Variants in AFG2A observed in about 807,000 individuals in gnomAD.
AFG2A encodes the protein ATPase family gene 2 protein homolog A.
chr4:123,094,701 A>G, the AFG2A span, among the ~76,000 whole-genome samples: 2 of 152,038 alleles, frequency 1.3e-5, no homozygotes, highest in Non-Finnish European at 2.9e-5. Flanking sequence ...AAAGAAATAA[A>G]TCACAGAATT....
At chr4:123,065,445 C>T in the AFG2A span, among the ~76,000 whole-genome samples, 1 of 151,996 alleles carries the variant, frequency 6.6e-6, no homozygotes, top group African/African-American at 2.4e-5. Context: ...ATTTATAGCG[C>T]TTAACATAAT....
At chr4:123,183,927 C>CTTAT in the AFG2A span, among the ~76,000 whole-genome samples, 17 of 125,630 alleles carry the variant, frequency 1.4e-4, 1 homozygote, top group Admixed American at 4.9e-4. Flanking sequence ...GCCCAGCTTG[C>CTTAT]TTATTTATTC....
chr4:123,250,432 G>C, the AFG2A span, among the ~76,000 whole-genome samples: 1 of 151,412 alleles, frequency 6.6e-6, no homozygotes, highest in Admixed American at 6.6e-5. Context: ...TCCTAGAACT[G>C]GGGGCTGGAA....
the AFG2A span, among the ~76,000 whole-genome samples, chr4:123,116,460 GA>G: frequency 6.6e-6 from 1 of 152,194 alleles, no homozygotes; most frequent in African/African-American, 2.4e-5. Flanking sequence ...CTGGAGGAAT[GA>G]TACTGGCATC....
chr4:122,944,057 C>T, the AFG2A span, among the ~76,000 whole-genome samples: 1 of 152,176 alleles, frequency 6.6e-6, no homozygotes, highest in East Asian at 1.9e-4. Flanking sequence ...TTCTCTCTGG[C>T]TGCTCTTAAC....
At chr4:123,228,971 A>G in the AFG2A span, among the ~76,000 whole-genome samples, 1 of 152,024 alleles carries the variant, frequency 6.6e-6, no homozygotes, top group South Asian at 2.1e-4. Context: ...AATCATGAAC[A>G]ATACAAGTAT....
chr4:123,160,499 A>G, the AFG2A span, among the ~76,000 whole-genome samples: 1 of 152,150 alleles, frequency 6.6e-6, no homozygotes, highest in Admixed American at 6.5e-5. Flanking sequence ...ATAACCTGTC[A>G]TTCTGTAGTA....
At chr4:123,302,409 C>T in the AFG2A span, among the ~76,000 whole-genome samples, 1 of 152,170 alleles carries the variant, frequency 6.6e-6, no homozygotes. Context: ...CATAGGATGA[C>T]TTACTGTGCC....
chr4:123,112,899 G>T, the AFG2A span, among the ~76,000 whole-genome samples: 1 of 152,026 alleles, frequency 6.6e-6, no homozygotes, highest in African/African-American at 2.4e-5. Context: ...GATTTGGAGG[G>T]CAATTTGAAC....
the AFG2A span, among the ~76,000 whole-genome samples, chr4:123,059,041 C>A: frequency 1.5e-4 from 23 of 152,146 alleles, no homozygotes; most frequent in Middle Eastern, 6.8e-3. Flanking sequence ...TACACCCGTT[C>A]CAAATGGGAG....
chr4:123,162,892 TTAA>T, the AFG2A span, among the ~76,000 whole-genome samples: 5 of 152,206 alleles, frequency 3.3e-5, no homozygotes, highest in Non-Finnish European at 7.3e-5. Flanking sequence ...ATTATACAGA[TTAA>T]TAATAATGTT....
the AFG2A span, among the ~76,000 whole-genome samples, chr4:123,193,430 A>G: frequency 4.5e-4 from 68 of 152,360 alleles, no homozygotes; most frequent in Admixed American, 1.0e-3. Context: ...TATTGAATAT[A>G]AGATTGCAGA....
chr4:123,030,757 C>T, the AFG2A span, among the ~76,000 whole-genome samples: 13 of 152,150 alleles, frequency 8.5e-5, no homozygotes, highest in East Asian at 2.5e-3. Context: ...TGCTTTGGAC[C>T]TGAAGTGTTT....
At chr4:123,236,385 G>GT in the AFG2A span, among the ~76,000 whole-genome samples, 1 of 152,220 alleles carries the variant, frequency 6.6e-6, no homozygotes, top group East Asian at 1.9e-4. Context: ...TAATTACATA[G>GT]TTACGTCTTG....
the AFG2A span, among the ~76,000 whole-genome samples, chr4:123,178,708 T>C: frequency 6.6e-6 from 1 of 152,192 alleles, no homozygotes; most frequent in South Asian, 2.1e-4. Context: ...AATTGGGCTG[T>C]TTTTTATAAA....
At chr4:123,306,703 G>T in the AFG2A span, among the ~76,000 whole-genome samples, 2 of 152,020 alleles carry the variant, frequency 1.3e-5, no homozygotes, top group Admixed American at 1.3e-4. Context: ...TTACAGACAT[G>T]CACCACCACA....
chr4:123,207,845 G>A, the AFG2A span, among the ~76,000 whole-genome samples: 4 of 152,136 alleles, frequency 2.6e-5, no homozygotes, highest in South Asian at 4.1e-4. Context: ...TTGTTAAGAT[G>A]TAGGCACTAA....
chr4:123,097,540 G>A, the AFG2A span, among the ~76,000 whole-genome samples: 1,581 of 152,154 alleles, frequency 0.01, 11 homozygotes, highest in Non-Finnish European at 0.015. Flanking sequence ...CGTCCTGTAC[G>A]GTTGTTTTCC....
At chr4:123,285,601 C>CAGT in the AFG2A span, among the ~76,000 whole-genome samples, 2 of 152,078 alleles carry the variant, frequency 1.3e-5, no homozygotes, top group Non-Finnish European at 2.9e-5. Context: ...CCAACACCAC[C>CAGT]AGTACATCTC....
Sources: allele counts gnomAD v4.1 joint callset (sites outside exome capture counted in the v4.1 genomes callset), GRCh38; gene constraint gnomAD v4.1.1; transcripts MANE v1.5; gene names NCBI Gene and HGNC (gene_info 2026-07-23, HGNC 2026-07-21).